The following LHFPL6 variants were observed in gnomAD, a reference collection of about 807,000 sequenced individuals.
LHFPL6 encodes LHFPL tetraspan subfamily member 6, also known as LHFPL tetraspan subfamily member 6 protein.
LHFPL6 carries 9 observed loss-of-function variants against 20.6 expected under a neutral mutation model. The observed-to-expected ratio is 0.44, with a 90% CI of 0.26 to 0.76. The LOEUF (loss-of-function observed/expected upper bound fraction) is 0.76, where lower values mean the gene tolerates loss of function less well. LHFPL6 is among the 30% of genes least tolerant of loss of function. The pLI is 0.20. For synonymous variants in LHFPL6, 105 were observed against 98.7 expected, an observed-to-expected ratio of 1.06 and a Z score of -0.38; for missense variants, 218 against 253.5, an observed-to-expected ratio of 0.86 and a Z score of 0.95.
At chr13:39,430,416 C>T (rs923392618) in intron 2 of LHFPL6, among the ~76,000 whole-genome samples, 5 of 152,234 alleles carry the variant, frequency 3.3e-5, no homozygotes, top group Non-Finnish European at 7.3e-5. Context: ...GGCAGCCCAA[C>T]TTTTCCCTCT....
At chr13:39,431,773 G>A (rs1566110231) in intron 2 of LHFPL6, among the ~76,000 whole-genome samples, 2 of 148,376 alleles carry the variant, frequency 1.3e-5, no homozygotes, top group South Asian at 2.1e-4. Flanking sequence ...AAACCTGTTT[G>A]TTCTATTTTA....
At chr13:39,356,027 C>G (rs959340755) in intron 3 of LHFPL6, among the ~76,000 whole-genome samples, 1 of 152,192 alleles carries the variant, frequency 6.6e-6, no homozygotes, top group African/African-American at 2.4e-5. Context: ...TCAACATGAC[C>G]AATTTGACCT....
At chr13:39,516,393 C>A (rs559838644) in intron 2 of LHFPL6, among the ~76,000 whole-genome samples, 1 of 152,388 alleles carries the variant, frequency 6.6e-6, no homozygotes. Flanking sequence ...CAGCCCCTGG[C>A]TTGATTTTGC....
intron 2 of LHFPL6, among the ~76,000 whole-genome samples, chr13:39,424,848 T>C (rs1259839008): frequency 6.6e-6 from 1 of 152,198 alleles, no homozygotes; most frequent in African/African-American, 2.4e-5. Flanking sequence ...AATCGTAGCA[T>C]TATTTGAGTA....
chr13:39,369,506 C>T (rs1870098111), intron 3 of LHFPL6, among the ~76,000 whole-genome samples: 1 of 151,116 alleles, frequency 6.6e-6, no homozygotes, highest in African/African-American at 2.4e-5. Context: ...ATATCAGTGG[C>T]CAAATATATA....
chr13:39,409,318 G>T (rs762715194), intron 2 of LHFPL6, among the ~76,000 whole-genome samples: 2 of 152,068 alleles, frequency 1.3e-5, no homozygotes, highest in Non-Finnish European at 2.9e-5. Flanking sequence ...GCCGGGCGTG[G>T]TGATGCATGC....
chr13:39,353,936 G>A (rs1593282412), intron 3 of LHFPL6, among the ~76,000 whole-genome samples: 1 of 152,276 alleles, frequency 6.6e-6, no homozygotes, highest in East Asian at 1.9e-4. Flanking sequence ...AAAAGAATAG[G>A]TAGTGAGAAG....
chr13:39,440,000 G>C lies in LHFPL6; in HGVS notation c.386-61474C>G, dbSNP rs146463303. Among the ~76,000 whole-genome samples, 52 of 152,294 alleles carry C rather than the reference G, an allele frequency of 3.4e-4. 1 individual carries two copies. The highest frequency in any genetic ancestry group is 6.2e-4 in the South Asian group (3 of 4,824). On this transcript the variant is annotated intron_variant, in intron 2 of 3. Transcript: ENST00000379589. ...CTAACAGTGGCTACTGTTTTCTCTAGTGCAACTTCATTAAGTAACTGTTTT... is the reference window on the plus strand; with the variant it reads ...CTAACAGTGGCTACTGTTTTCTCTACTGCAACTTCATTAAGTAACTGTTTT...
intron 2 of LHFPL6, among the ~76,000 whole-genome samples, chr13:39,512,518 C>T (rs534532881): frequency 1.4e-5 from 2 of 147,858 alleles, no homozygotes; most frequent in East Asian, 4.0e-4. Context: ...AGGAGAATGG[C>T]GTGAACCTGG....
At chr13:39,536,437 T>C (rs748870156) in intron 2 of LHFPL6, among the ~76,000 whole-genome samples, 10 of 152,158 alleles carry the variant, frequency 6.6e-5, no homozygotes, top group Non-Finnish European at 1.5e-4. Context: ...TCTTCCAAGA[T>C]GCTCCCAGCC....
intron 2 of LHFPL6, among the ~76,000 whole-genome samples, chr13:39,491,238 AAAG>A (rs1340839298): frequency 6.6e-6 from 1 of 152,216 alleles, no homozygotes; most frequent in African/African-American, 2.4e-5. Context: ...ATTGGGGATC[AAAG>A]AAGGACTCAT....
chr13:39,395,091 G>C (rs1870809694), intron 2 of LHFPL6, among the ~76,000 whole-genome samples: 1 of 152,138 alleles, frequency 6.6e-6, no homozygotes, highest in African/African-American at 2.4e-5. Flanking sequence ...GATCAGACCA[G>C]CTTCCTCCAG....
intron 2 of LHFPL6, among the ~76,000 whole-genome samples, chr13:39,400,611 G>A (rs1052186505): frequency 6.6e-5 from 10 of 150,816 alleles, no homozygotes; most frequent in East Asian, 2.0e-4. Flanking sequence ...GTGAAACCCC[G>A]TCTCTACTAA....
At chr13:39,410,291 A>C (rs1312477960) in intron 2 of LHFPL6, among the ~76,000 whole-genome samples, 1 of 152,252 alleles carries the variant, frequency 6.6e-6, no homozygotes, top group Non-Finnish European at 1.5e-5. Context: ...CTTTGTCCTC[A>C]GCAGTATTAT....
At chr13:39,488,720 C>T (rs971484358) in intron 2 of LHFPL6, among the ~76,000 whole-genome samples, 2 of 152,152 alleles carry the variant, frequency 1.3e-5, no homozygotes, top group African/African-American at 4.8e-5. Context: ...GACTCCCCTT[C>T]CTGAAAACAT....
At chr13:39,588,056 T>A (rs1373967428) in intron 2 of LHFPL6, among the ~76,000 whole-genome samples, 1 of 151,986 alleles carries the variant, frequency 6.6e-6, no homozygotes, top group Non-Finnish European at 1.5e-5. Context: ...TCCTTGTGAT[T>A]TACAGCCAAG....
At chr13:39,567,034 T>G (rs1179861942) in intron 2 of LHFPL6, among the ~76,000 whole-genome samples, 1 of 122,682 alleles carries the variant, frequency 8.2e-6, no homozygotes, top group African/African-American at 3.8e-5. Context: ...CCAGGGTTTT[T>G]TTTTTTTTTT....
At chr13:39,413,910 T>A (rs534750380) in intron 2 of LHFPL6, among the ~76,000 whole-genome samples, 20 of 152,342 alleles carry the variant, frequency 1.3e-4, no homozygotes, top group Middle Eastern at 3.4e-3. Context: ...ATAAATGGAA[T>A]CATAAATTAT....
At chr13:39,357,069 G>T (rs1177199369) in intron 3 of LHFPL6, among the ~76,000 whole-genome samples, 3 of 152,170 alleles carry the variant, frequency 2.0e-5, no homozygotes, top group Non-Finnish European at 4.4e-5. Context: ...CTACTAGGGA[G>T]GCTGAGGTGA....
Sources: allele counts gnomAD v4.1 joint callset (sites outside exome capture counted in the v4.1 genomes callset), GRCh38; gene constraint gnomAD v4.1.1; transcripts MANE v1.5; gene names NCBI Gene and HGNC (gene_info 2026-07-23, HGNC 2026-07-21).